ANKRD30BL: variants seen among roughly 807,000 people sequenced by gnomAD.
The protein encoded by ANKRD30BL is putative ankyrin repeat domain-containing protein 30B-like.
Under a neutral mutation model 18.4 loss-of-function variants are expected in ANKRD30BL, and 20 were observed. That is an observed-to-expected ratio of 1.09 (90% CI 0.77 to 1.58). The LOEUF is 1.58. Among genes scored for constraint, ANKRD30BL ranks in the 40% most tolerant of loss-of-function variants. The probability of loss-of-function intolerance (pLI) is 0.00; values close to 1 mark genes in which losing one functional copy is unlikely to be tolerated. For synonymous variants in ANKRD30BL, 72 were observed against 100.9 expected (o/e 0.71, Z 1.72); for missense variants, 224 against 268.6 (o/e 0.83, Z 1.16).
rs60507906 is a variant in ANKRD30BL at position 132,169,644 on chromosome 2, TA to T, written n.442-12499del. Among the ~76,000 whole-genome samples the T allele has an allele frequency of 4.1e-3, 373 of 90,860 alleles. 2 individuals are homozygous for T. Among genetic ancestry groups the T allele is most frequent in the African/African-American group, 0.012 (273 of 23,624 alleles). The allele number at this position is 90,860 out of a possible 152,430, so 59.6% of individuals were successfully genotyped here. A position where few individuals can be genotyped will look rare whatever the true frequency, so the allele number is the denominator to read the frequency against. On this transcript the variant is annotated intron_variant and non_coding_transcript_variant, in intron 1 of 4. Coordinates refer to the ANKRD30BL transcript ENST00000470729. ...CCTGGTGACACAGGGATACTCTGTC[TA>T]AAAAAAAAAAAAAAAAAAAAAAAGA...
chr2:132,253,530 C>G (rs578171489), intron 1 of ANKRD30BL, among the ~76,000 whole-genome samples: 1 of 152,114 alleles, frequency 6.6e-6, no homozygotes, highest in Admixed American at 6.5e-5. Context: ...CCCCACAGAG[C>G]GGGGTACAGG....
chr2:132,238,203 A>G (rs1680213825), intron 1 of ANKRD30BL, among the ~76,000 whole-genome samples: 1 of 152,052 alleles, frequency 6.6e-6, no homozygotes. Context: ...ACAGAGTTAA[A>G]CCTATCGTTT....
At chr2:132,220,803 G>T (rs991399240) in intron 1 of ANKRD30BL, among the ~76,000 whole-genome samples, 1 of 151,562 alleles carries the variant, frequency 6.6e-6, no homozygotes, top group African/African-American at 2.4e-5. Flanking sequence ...GGGAAGTGAG[G>T]AGCGTCTCTG....
intron 1 of ANKRD30BL, among the ~76,000 whole-genome samples, chr2:132,183,883 A>G (rs1448032012): frequency 6.6e-6 from 1 of 151,932 alleles, no homozygotes; most frequent in Non-Finnish European, 1.5e-5. Flanking sequence ...GCTTGGTGCT[A>G]AGGTGGGGGT....
At chr2:132,203,377 T>C (rs563073641) in intron 1 of ANKRD30BL, among the ~76,000 whole-genome samples, 1 of 152,322 alleles carries the variant, frequency 6.6e-6, no homozygotes, top group African/African-American at 2.4e-5. Flanking sequence ...AATAAATAAC[T>C]AGGGAGGTAA....
intron 1 of ANKRD30BL, among the ~76,000 whole-genome samples, chr2:132,160,869 A>G (rs1158214973): frequency 6.6e-6 from 1 of 151,226 alleles, no homozygotes; most frequent in African/African-American, 2.4e-5. Context: ...AACGTTGATA[A>G]CTTTATTTGG....
rs548145698 is a variant in ANKRD30BL, at chr2:132,181,243, G to A, written n.442-24097C>T. 2.4e-3 allele frequency among the ~76,000 whole-genome samples: 367 copies of A among 152,196 alleles called. 3 individuals carry two copies. The highest frequency in any genetic ancestry group is 2.2e-3 in the Non-Finnish European group (152 of 67,988). Reference sequence around the variant, plus strand: ...AATCTCAGCACTTTGGGAGGCTGACGTGGGCGGATTGCCTGAGCTCAGGAG... The same window carrying A: ...AATCTCAGCACTTTGGGAGGCTGACATGGGCGGATTGCCTGAGCTCAGGAG... On this transcript the variant is annotated intron_variant and non_coding_transcript_variant, in intron 1 of 4. Coordinates refer to the ANKRD30BL transcript ENST00000470729.
rs1688443955 is a variant in ANKRD30BL, at chr2:132,180,600, G to A, written n.442-23454C>T. 2.0e-5 allele frequency among the ~76,000 whole-genome samples: 3 copies of A among 151,896 alleles called. No individual in the cohort carries two copies. The South Asian group carries it at 6.3e-4, about 32-fold the overall frequency. On this transcript the variant is annotated intron_variant and non_coding_transcript_variant, in intron 1 of 4. Coordinates refer to the ANKRD30BL transcript ENST00000470729. ...CTCACTACAATCTTACCCAGAGACA[G>A]GCACCATTATTTTCCCCATTTCACA...
At chr2:132,165,872 C>A (rs1304443137), upstream of ANKRD30BL, among the ~76,000 whole-genome samples, 1 of 147,012 alleles carries the variant, frequency 6.8e-6, no homozygotes, top group Non-Finnish European at 1.5e-5. Context: ...GAAAAAAAAA[C>A]AAAAAACAAA....
At chr2:132,257,676 G>T (rs1680904443) in exon 1 of ANKRD30BL, 1 of 159,026 alleles carries the variant, frequency 6.3e-6, no homozygotes, top group Non-Finnish European at 1.4e-5. Flanking sequence ...CTCACCGAGG[G>T]TGGGTCACAC....
intron 1 of ANKRD30BL, among the ~76,000 whole-genome samples, chr2:132,211,340 A>G (rs112998392): frequency 0.043 from 6,585 of 151,824 alleles, 500 homozygotes; most frequent in African/African-American, 0.15. Context: ...TTTATGTATA[A>G]TCTGCCAGTG....
chr2:132,150,828 C>A, intron 5 of ANKRD30BL, 84 bp downstream of exon 5: 1 of 475,052 alleles, frequency 2.1e-6, no homozygotes, highest in Non-Finnish European at 3.7e-6. Flanking sequence ...TTACACATTG[C>A]TTTTCTAATA....
chr2:132,196,556 G>A (rs1375510993), intron 1 of ANKRD30BL, among the ~76,000 whole-genome samples: 1 of 152,232 alleles, frequency 6.6e-6, no homozygotes, highest in East Asian at 1.9e-4. Context: ...GGTAGGCTGA[G>A]GTGGGTGGAT....
intron 1 of ANKRD30BL, among the ~76,000 whole-genome samples, chr2:132,187,188 GTTTTTTTTT>G (rs1193358076): frequency 9.9e-5 from 9 of 90,626 alleles, no homozygotes; most frequent in African/African-American, 2.4e-4. Context: ...TTTTTTGTTT[GTTTTTTTTT>G]TTTTTTTTTT....
chr2:132,206,998 G>A (rs1431501772), intron 1 of ANKRD30BL, among the ~76,000 whole-genome samples: 2 of 152,080 alleles, frequency 1.3e-5, no homozygotes, highest in Non-Finnish European at 2.9e-5. Context: ...TTCTTATGAG[G>A]ATATCAACCA....
intron 1 of ANKRD30BL, among the ~76,000 whole-genome samples, chr2:132,178,197 A>C (rs1688397332): frequency 6.6e-6 from 1 of 152,204 alleles, no homozygotes; most frequent in Non-Finnish European, 1.5e-5. Context: ...AAATGAAAAA[A>C]TCCTGACACT....
chr2:132,179,067 G>A (rs1688412929), intron 1 of ANKRD30BL, among the ~76,000 whole-genome samples: 5 of 151,648 alleles, frequency 3.3e-5, no homozygotes, highest in Admixed American at 3.3e-4. Context: ...GGTCCTGTAG[G>A]ATTGTAATGG....
chr2:132,199,118 G>A (rs537883016), intron 1 of ANKRD30BL, among the ~76,000 whole-genome samples: 7 of 152,252 alleles, frequency 4.6e-5, no homozygotes, highest in South Asian at 2.1e-4. Flanking sequence ...TTGGGAGGCC[G>A]AGGCGGGCAG....
At chr2:132,151,755 T>C (rs1687763806) in intron 4 of ANKRD30BL, among the ~76,000 whole-genome samples, 1 of 152,098 alleles carries the variant, frequency 6.6e-6, no homozygotes. Flanking sequence ...AGCTATTTTA[T>C]ATTTTGTAAT....
Sources: allele counts gnomAD v4.1 joint callset (sites outside exome capture counted in the v4.1 genomes callset), GRCh38; gene constraint gnomAD v4.1.1; transcripts MANE v1.5; gene names NCBI Gene and HGNC (gene_info 2026-07-23, HGNC 2026-07-21).